IQCH: variants seen among roughly 807,000 people sequenced by gnomAD.
IQCH encodes IQ motif containing H.
IQCH carries 98 observed loss-of-function variants against 117.0 expected under a neutral mutation model. The observed-to-expected ratio is 0.84, with a 90% CI of 0.71 to 0.99. IQCH has a LOEUF of 0.99. IQCH is among the 50% of genes least tolerant of loss of function. The pLI is 0.00. For synonymous variants in IQCH, 412 were observed against 448.2 expected, an observed-to-expected ratio of 0.92 and a Z score of 1.02; for missense variants, 1,102 against 1,243.8, an observed-to-expected ratio of 0.89 and a Z score of 1.72.
intron 16 of IQCH, among the ~76,000 whole-genome samples, chr15:67,455,952 A>G (rs937691811): frequency 2.6e-5 from 4 of 152,222 alleles, no homozygotes; most frequent in African/African-American, 2.4e-5. Flanking sequence ...TCAAAATAAA[A>G]AAGTAGCATT....
intron 9 of IQCH, 109 bp downstream of exon 9, chr15:67,372,771 C>T: frequency 2.2e-6 from 2 of 928,162 alleles, no homozygotes; most frequent in Admixed American, 5.0e-5. Flanking sequence ...CAACTACTCT[C>T]CTTGCCTCAG....
chr15:67,444,799 C>CT (rs1228270556), intron 16 of IQCH, among the ~76,000 whole-genome samples: 1 of 152,156 alleles, frequency 6.6e-6, no homozygotes, highest in Non-Finnish European at 1.5e-5. Context: ...CCTTTGCTTT[C>CT]TTTGCTCATA....
At chr15:67,402,275 T>C (rs969065350) in intron 14 of IQCH, among the ~76,000 whole-genome samples, 12 of 152,212 alleles carry the variant, frequency 7.9e-5, no homozygotes, top group African/African-American at 2.7e-4. Context: ...AGAAATCTCC[T>C]TACAGTCTGA....
Position 67,295,917 on chromosome 15 carries a change from A to C in IQCH, c.387+16405A>C, listed in dbSNP as rs1309709079. ...TTTGCATAACTAGCTCAGTTTCATC[A>C]CTCTGGTCTTAGTCTAATTGTTGTC... On this transcript the variant is annotated intron_variant, in intron 4 of 20. Transcript: ENST00000335894. Among the ~76,000 whole-genome samples, 4 of 151,876 alleles carry C rather than the reference A, an allele frequency of 2.6e-5. No homozygotes were observed. In the East Asian group the frequency reaches 7.7e-4, roughly 29 times the overall value.
intron 20 of IQCH, among the ~76,000 whole-genome samples, chr15:67,499,826 A>G (rs920412618): frequency 1.3e-5 from 2 of 152,240 alleles, no homozygotes; most frequent in African/African-American, 4.8e-5. Context: ...AACATGGACG[A>G]ACCTTGAAAA....
chr15:67,336,903 A>G, intron 4 of IQCH, 72 bp from the exon 5 acceptor site: 1 of 1,456,510 alleles, frequency 6.9e-7, no homozygotes, highest in South Asian at 1.2e-5. Context: ...AACTTTATTT[A>G]TTGTTTACAA....
chr15:67,275,191 G>A lies in IQCH; in HGVS notation c.270-4204G>A, dbSNP rs141077227. ...GATACTTTCCATGGGTTGAGGTAGG[G>A]ACAGGTCTTTTGTCAGGAACCCAAG... On this transcript the variant is annotated intron_variant, in intron 3 of 20. Coordinates refer to ENST00000335894, the MANE Select transcript of IQCH (RefSeq NM_001031715.3). 1.9e-3 allele frequency among the ~76,000 whole-genome samples: 286 copies of A among 152,324 alleles called. 1 individual carries two copies. The Middle Eastern group carries it at 0.031, about 16-fold the overall frequency.
rs1172976918 is a variant in IQCH at position 67,481,676 on chromosome 15, A to G, written c.2799+5858A>G. Among the ~76,000 whole-genome samples the G allele has an allele frequency of 2.6e-5, 4 of 152,238 alleles. No individual in the cohort carries two copies. The highest frequency in any genetic ancestry group is 9.6e-5 in the African/African-American group (4 of 41,464). On this transcript the variant is annotated intron_variant, in intron 18 of 20. Transcript: ENST00000335894. This position sits in a 1 kb window ranked among gnomAD's most constrained non-coding sequence, Gnocchi z 4.1. Reference sequence around the variant, plus strand: ...AGCCTCATAGGCTTAAGATAACTGAAATTAAGAGAGAGGCATAGAAGCAAG... The same window carrying G: ...AGCCTCATAGGCTTAAGATAACTGAGATTAAGAGAGAGGCATAGAAGCAAG...
chr15:67,361,323 A>C (rs956451281), intron 8 of IQCH, among the ~76,000 whole-genome samples: 1 of 152,134 alleles, frequency 6.6e-6, no homozygotes, highest in African/African-American at 2.4e-5. Context: ...CTCTGTTCCT[A>C]ATGTCTTAAG....
At position 67,494,459 on chromosome 15, in the gene IQCH, T is replaced by C. The variant is rs2083751158; in HGVS notation, c.2970+93T>C. The C allele has an allele frequency of 1.3e-6, 1 of 791,880 alleles. No homozygotes were observed. Among genetic ancestry groups the C allele is most frequent in the Non-Finnish European group, 2.0e-6 (1 of 492,900 alleles). 49.1% of individuals were successfully genotyped at this position (791,880 alleles called of 1,614,324 possible). A position where few individuals can be genotyped will look rare whatever the true frequency, so the allele number is the denominator to read the frequency against. ...ATTGTAAACAAGTGCTAAACCATCTTTTTTTTATTGTAAGCAGTACATATT... is the reference window on the plus strand; with the variant it reads ...ATTGTAAACAAGTGCTAAACCATCTCTTTTTTATTGTAAGCAGTACATATT... On this transcript the variant is annotated intron_variant, in intron 20 of 20. Transcript: ENST00000335894. The surrounding 1 kb of genome is among the most constrained non-coding windows in gnomAD (Gnocchi z 5.5).
chr15:67,346,498 T>C (rs1474919132), intron 6 of IQCH, among the ~76,000 whole-genome samples: 1 of 152,208 alleles, frequency 6.6e-6, no homozygotes, highest in Admixed American at 6.5e-5. Context: ...ATCCCTCATA[T>C]GTGCAGTTCA....
chr15:67,421,467 C>T lies in IQCH; in HGVS notation c.2395C>T (p.Leu799Phe). The change falls in exon 16 of 21, where the codon CTC (leucine) becomes TTC (phenylalanine). Residue 799 changes from leucine to phenylalanine, a missense_variant. By Grantham distance (22) the Leu-to-Phe change is conservative (BLOSUM62 0). Transcript: ENST00000335894. ...TCAGACCTCAGTGGATCCCCAAGTTCTCACTTATTTGTGCCTCCAAATTGG... is the reference window on the plus strand; with the variant it reads ...TCAGACCTCAGTGGATCCCCAAGTTTTCACTTATTTGTGCCTCCAAATTGG... ...VPQTSVDPQVLTYLCLQIGKA... is the reference protein window; with the variant it reads ...VPQTSVDPQVFTYLCLQIGKA... 6.2e-7 allele frequency: 1 copy of T among 1,614,188 alleles called. No individual in the cohort carries two copies. Among genetic ancestry groups the T allele is most frequent in the Non-Finnish European group, 8.5e-7 (1 of 1,180,022 alleles).
At chr15:67,361,111 C>T (rs1567126772) in intron 8 of IQCH, among the ~76,000 whole-genome samples, 1 of 152,212 alleles carries the variant, frequency 6.6e-6, no homozygotes, top group South Asian at 2.1e-4. Context: ...CAGGCCCACT[C>T]AGTTGGTAAA....
rs926228187 is a variant in IQCH at position 67,376,429 on chromosome 15, A to G, written c.1372+2996A>G. On this transcript the variant is annotated intron_variant, in intron 10 of 20. Coordinates refer to ENST00000335894, the MANE Select transcript of IQCH (RefSeq NM_001031715.3). This position sits in a 1 kb window ranked among gnomAD's most constrained non-coding sequence, Gnocchi z 5.0. ...AAAGTTGAGACAGATTCACTAGTCA[A>G]AATCAGTTGGTAGGATTGTCTGGTT... 4.6e-5 allele frequency among the ~76,000 whole-genome samples: 7 copies of G among 152,240 alleles called. No individual in the cohort carries two copies. Among genetic ancestry groups the G allele is most frequent in the Non-Finnish European group, 1.0e-4 (7 of 68,042 alleles).
At chr15:67,336,914 G>GA in intron 4 of IQCH, 61 bp from the exon 5 acceptor site, 1 of 1,540,562 alleles carries the variant, frequency 6.5e-7, no homozygotes, top group Non-Finnish European at 8.9e-7. Context: ...TTGTTTACAA[G>GA]AAGAAAACTG....
chr15:67,452,831 G>A (rs972222754), intron 16 of IQCH, among the ~76,000 whole-genome samples: 1 of 152,232 alleles, frequency 6.6e-6, no homozygotes, highest in East Asian at 1.9e-4. Flanking sequence ...TTCCAACTTG[G>A]TTCCATTCTC....
chr15:67,363,559 T>C (rs541683141), intron 8 of IQCH, among the ~76,000 whole-genome samples: 105 of 152,308 alleles, frequency 6.9e-4, no homozygotes, highest in Non-Finnish European at 9.1e-4. Context: ...TTTTTATTTT[T>C]TCAACTTTTA....
chr15:67,422,484 G>T lies in IQCH; in HGVS notation c.2505+907G>T, dbSNP rs1301755905. On this transcript the variant is annotated intron_variant, in intron 16 of 20. Transcript: ENST00000335894. This position sits in a 1 kb window ranked among gnomAD's most constrained non-coding sequence, Gnocchi z 4.7. Reference sequence around the variant, plus strand: ...CTGTGTACTCCTTGCCAAGCACATGGCTCTTCCTCCTCCTAGAGGCCAGGA... The same window carrying T: ...CTGTGTACTCCTTGCCAAGCACATGTCTCTTCCTCCTCCTAGAGGCCAGGA... Among the ~76,000 whole-genome samples the T allele has an allele frequency of 2.6e-5, 4 of 152,092 alleles. No homozygotes were observed. The highest frequency in any genetic ancestry group is 7.2e-5 in the African/African-American group (3 of 41,390).
In IQCH at chr15:67,359,803, T is replaced by A; in HGVS notation, c.715-44T>A. On this transcript the variant is annotated intron_variant, in intron 7 of 20. Transcript: ENST00000335894. The surrounding 1 kb of genome is among the most constrained non-coding windows in gnomAD (Gnocchi z 4.5). ...TCTATTTGTTTTGTAAAATTGCCCA[T>A]GAGAGTCGTTTTGATTTAAACTGTG... 1.3e-6 allele frequency: 2 copies of A among 1,533,888 alleles called. No individual in the cohort carries two copies. Among genetic ancestry groups the A allele is most frequent in the Non-Finnish European group, 1.8e-6 (2 of 1,106,706 alleles).
Sources: allele counts gnomAD v4.1 joint callset (sites outside exome capture counted in the v4.1 genomes callset), GRCh38; gene constraint gnomAD v4.1.1; non-coding constraint Gnocchi (gnomAD v3.1); transcripts MANE v1.5; gene names NCBI Gene and HGNC (gene_info 2026-07-23, HGNC 2026-07-21).